Variants in SEZ6L observed in about 807,000 individuals in gnomAD.
The protein encoded by SEZ6L is seizure related 6 homolog like.
In SEZ6L, 37 loss-of-function variants were observed where a neutral mutation model predicts 106.2. The observed-to-expected ratio is 0.35, with a 90% confidence interval of 0.27 to 0.46. The LOEUF (loss-of-function observed/expected upper bound fraction) is 0.46, where lower values mean the gene tolerates loss of function less well. SEZ6L is among the 20% of genes least tolerant of loss of function. SEZ6L has a pLI of 1.00. For missense variants in SEZ6L, 1,172 were observed against 1,332.8 expected, an observed-to-expected ratio of 0.88 and a Z score of 1.88; for synonymous variants, 541 against 570.4, an observed-to-expected ratio of 0.95 and a Z score of 0.73.
intron 1 of SEZ6L, among the ~76,000 whole-genome samples, chr22:26,182,472 T>C (rs1939469012): frequency 1.3e-5 from 2 of 152,146 alleles, no homozygotes; most frequent in Admixed American, 6.5e-5. Context: ...ACCTTTTTCA[T>C]TGAGTTGATG....
intron 9 of SEZ6L, among the ~76,000 whole-genome samples, chr22:26,328,682 G>C (rs554024184): frequency 2.0e-5 from 3 of 152,284 alleles, no homozygotes; most frequent in African/African-American, 7.2e-5. Context: ...GCTGCCCGTG[G>C]GGCAGGCCCA....
At chr22:26,348,654 G>GAGAA (rs2083128258) in intron 11 of SEZ6L, among the ~76,000 whole-genome samples, 1 of 41,484 alleles carries the variant, frequency 2.4e-5, no homozygotes, top group African/African-American at 1.1e-4. Context: ...GAAAAAGAAA[G>GAGAA]AAAGAAAGAA....
At chr22:26,193,289 T>G (rs1332821947) in intron 1 of SEZ6L, among the ~76,000 whole-genome samples, 1 of 152,206 alleles carries the variant, frequency 6.6e-6, no homozygotes, top group Non-Finnish European at 1.5e-5. Context: ...AAATATGGCT[T>G]AATGCTTCAG....
rs142598790 is a variant in SEZ6L, at chr22:26,365,907, A to G, written c.2794+341A>G. Among the ~76,000 whole-genome samples the G allele has an allele frequency of 1.0e-3, 158 of 152,240 alleles. 2 individuals are homozygous for G. The highest frequency in any genetic ancestry group is 3.6e-3 in the African/African-American group (151 of 41,536). On this transcript the variant is annotated intron_variant, in intron 13 of 16. Coordinates refer to ENST00000248933, the MANE Select transcript of SEZ6L (RefSeq NM_021115.5). ...ATTAAATTTTAAAATAATAGAGCTG[A>G]GCTGCTGTACTTCATTAAATCTAAG...
chr22:26,314,663 G>A (rs2081948713), intron 9 of SEZ6L, among the ~76,000 whole-genome samples: 2 of 152,210 alleles, frequency 1.3e-5, no homozygotes, highest in South Asian at 2.1e-4. Flanking sequence ...ATTCACAGGG[G>A]GTAACCATTA....
At chr22:26,180,393 A>C (rs1228645853) in intron 1 of SEZ6L, among the ~76,000 whole-genome samples, 1 of 152,190 alleles carries the variant, frequency 6.6e-6, no homozygotes, top group Non-Finnish European at 1.5e-5. Flanking sequence ...TGTACAATGA[A>C]ATTTTCGGGG....
In SEZ6L at chr22:26,369,714, C is replaced by T. The variant is rs1025933876; in HGVS notation, c.2795-3737C>T. Among the ~76,000 whole-genome samples the T allele has an allele frequency of 5.9e-5, 9 of 152,162 alleles. No individual in the cohort carries two copies. In the South Asian group the frequency reaches 8.3e-4, roughly 14 times the overall value. ...CAGTAAGAAATCCACAATTAGCATT[C>T]AAGACAGCTGCCTTCCCTCATTCCC... On this transcript the variant is annotated intron_variant, in intron 13 of 16. Coordinates refer to ENST00000248933, the MANE Select transcript of SEZ6L (RefSeq NM_021115.5).
At chr22:26,187,688 G>A (rs1939875377) in intron 1 of SEZ6L, among the ~76,000 whole-genome samples, 1 of 152,166 alleles carries the variant, frequency 6.6e-6, no homozygotes, top group African/African-American at 2.4e-5. Flanking sequence ...TTGGGCAAAT[G>A]ATGATTAAAT....
intron 1 of SEZ6L, among the ~76,000 whole-genome samples, chr22:26,271,422 T>C (rs2080363092): frequency 6.6e-6 from 1 of 152,136 alleles, no homozygotes; most frequent in Non-Finnish European, 1.5e-5. Context: ...ATGGAGTTGA[T>C]ATTGTTTGGA....
chr22:26,327,483 ACAC>A (rs964177504), intron 9 of SEZ6L, among the ~76,000 whole-genome samples: 47 of 135,924 alleles, frequency 3.5e-4, no homozygotes, highest in African/African-American at 1.3e-3. Flanking sequence ...CCCCTCACAC[ACAC>A]CACATGACAC....
chr22:26,345,157 T>C (rs2082966207), intron 10 of SEZ6L, among the ~76,000 whole-genome samples: 1 of 152,064 alleles, frequency 6.6e-6, no homozygotes, highest in Non-Finnish European at 1.5e-5. Context: ...CGGACCATTC[T>C]AGAAACCTCT....
chr22:26,303,393 A>G (rs897311169), intron 5 of SEZ6L, among the ~76,000 whole-genome samples: 1 of 152,270 alleles, frequency 6.6e-6, no homozygotes, highest in Non-Finnish European at 1.5e-5. Flanking sequence ...AGCTGATATT[A>G]GAGATACAAA....
In SEZ6L at chr22:26,169,620, C is replaced by T. The variant is rs1322667151; in HGVS notation, c.-50C>T. 2 of 681,644 alleles carry T rather than the reference C, an allele frequency of 2.9e-6. No individual in the cohort carries two copies. Among genetic ancestry groups the T allele is most frequent in the Non-Finnish European group, 2.2e-6 (1 of 461,160 alleles). 42.2% of individuals were successfully genotyped at this position (681,644 alleles called of 1,614,324 possible). A position where few individuals can be genotyped will look rare whatever the true frequency, so the allele number is the denominator to read the frequency against. Reference sequence around the variant, plus strand: ...CGCCGCCCTCCTTCCCCAGCTCCCTCGCCGTCCGCCCGCCCCACAGCCAGC... The same window carrying T: ...CGCCGCCCTCCTTCCCCAGCTCCCTTGCCGTCCGCCCGCCCCACAGCCAGC... On this transcript the variant is annotated 5_prime_UTR_variant, in exon 1 of 17. Coordinates refer to ENST00000248933, the MANE Select transcript of SEZ6L (RefSeq NM_021115.5).
intron 9 of SEZ6L, among the ~76,000 whole-genome samples, chr22:26,332,735 A>G (rs538614071): frequency 2.0e-5 from 3 of 152,334 alleles, no homozygotes; most frequent in Non-Finnish European, 2.9e-5. Context: ...AGCATGAACC[A>G]TCATGCCCAG....
intron 1 of SEZ6L, among the ~76,000 whole-genome samples, chr22:26,278,221 C>T (rs55801993): frequency 0.018 from 2,726 of 152,230 alleles, 37 homozygotes; most frequent in Middle Eastern, 0.027. Context: ...GTGAGGGCCA[C>T]GCAAGAAGCA....
chr22:26,259,850 T>C (rs2079942795), intron 1 of SEZ6L, among the ~76,000 whole-genome samples: 2 of 152,228 alleles, frequency 1.3e-5, no homozygotes, highest in Admixed American at 6.5e-5. Context: ...GAAAAGCTTG[T>C]GATTTATGTG....
In SEZ6L at chr22:26,340,420, T is replaced by C; in HGVS notation, c.2016-16T>C. 3.8e-6 allele frequency: 6 copies of C among 1,598,826 alleles called. No individual in the cohort carries two copies. Among genetic ancestry groups the C allele is most frequent in the Non-Finnish European group, 5.1e-6 (6 of 1,173,130 alleles). ...TCTCTATTTCACATGACTCTCCCTC[T>C]TCTCTGCCCTCCAAGCCTGAATCTG... On this transcript the variant is annotated splice_polypyrimidine_tract_variant and intron_variant, in intron 9 of 16. Coordinates refer to ENST00000248933, the MANE Select transcript of SEZ6L (RefSeq NM_021115.5).
intron 1 of SEZ6L, among the ~76,000 whole-genome samples, chr22:26,287,023 C>G (rs1433939900): frequency 2.0e-5 from 3 of 150,678 alleles, no homozygotes; most frequent in Non-Finnish European, 4.4e-5. Context: ...GCTGGGATTA[C>G]AGGTGTGATC....
intron 13 of SEZ6L, among the ~76,000 whole-genome samples, chr22:26,369,016 C>T (rs1404399675): frequency 6.6e-6 from 1 of 152,154 alleles, no homozygotes; most frequent in Non-Finnish European, 1.5e-5. Flanking sequence ...TCACACATTC[C>T]CGAATCTAAC....
Sources: allele counts gnomAD v4.1 joint callset (sites outside exome capture counted in the v4.1 genomes callset), GRCh38; gene constraint gnomAD v4.1.1; transcripts MANE v1.5; gene names NCBI Gene and HGNC (gene_info 2026-07-23, HGNC 2026-07-21).